KANTR: variants seen among roughly 807,000 people sequenced by gnomAD.
The protein encoded by KANTR is KANTR integral membrane protein.
At chrX:53,129,235 T>TTGTGTGTGTGTGTGTGTGTGTGTG (rs57493383), downstream of KANTR, among the ~76,000 whole-genome samples, 5 of 83,373 alleles carry the variant, frequency 6.0e-5, no homozygotes, top group African/African-American at 1.3e-4. Flanking sequence ...GCCTGGCTAT[T>TTGTGTGTGTGTGTGTGTGTGTGTG]TGTGTGTGTG....
Position 53,142,517 on chromosome X carries a change from T to C in KANTR, n.873T>C, listed in dbSNP as rs781794584. On this transcript the variant is annotated non_coding_transcript_exon_variant, in exon 3 of 3. Coordinates refer to the KANTR transcript ENST00000366185. ...TTTTAGTAGAGACGGGGTTTCAGCATGTTGGCCAGGCCGGTCTCAAACTCC... is the reference window on the plus strand; with the variant it reads ...TTTTAGTAGAGACGGGGTTTCAGCACGTTGGCCAGGCCGGTCTCAAACTCC... 9.7e-4 allele frequency: 216 copies of C among 223,063 alleles called. 2 individuals carry two copies. Among genetic ancestry groups the C allele is most frequent in the Middle Eastern group, 6.4e-3 (4 of 621 alleles). 18.4% of individuals were successfully genotyped at this position (223,063 alleles called of 1,213,427 possible).
At position 53,115,192 on chromosome X, in the gene KANTR, A is replaced by G. The variant is rs1398029937; in HGVS notation, c.-804-8277A>G. Among the ~76,000 whole-genome samples, 4 of 110,918 alleles carry G rather than the reference A, an allele frequency of 3.6e-5. No individual in the cohort carries two copies. In the East Asian group the frequency reaches 1.2e-3, roughly 33 times the overall value. ...GCAGGCCTGCGGCCTAGGGCTGTGT[A>G]GGTCAACCTGGTTCTGGGCTGGGCT... On this transcript the variant is annotated intron_variant, in intron 2 of 2. Coordinates refer to ENST00000604062, the Ensembl canonical transcript of KANTR.
chrX:53,135,509 A>G (rs1216274399), intron 2 of KANTR, among the ~76,000 whole-genome samples: 4 of 112,080 alleles, frequency 3.6e-5, no homozygotes, highest in African/African-American at 1.3e-4. Context: ...TGTGGGCTGC[A>G]GTTTTAGTTG....
At chrX:53,143,274 C>G (rs1221541087), downstream of KANTR, 5 of 597,408 alleles carry the variant, frequency 8.4e-6, no homozygotes, top group African/African-American at 2.2e-5. Flanking sequence ...GGCGATGTAG[C>G]ACACCTTCTC....
At chrX:53,116,402 C>T (rs1933124530) in intron 2 of KANTR, among the ~76,000 whole-genome samples, 1 of 112,227 alleles carries the variant, frequency 8.9e-6, no homozygotes, top group African/African-American at 3.2e-5. Context: ...CAGCTCTTTC[C>T]TTGGCGTGCA....
chrX:53,095,007 A>G (rs1158095253), intron 1 of KANTR: 3 of 111,756 alleles, frequency 2.7e-5, no homozygotes, highest in African/African-American at 9.8e-5. Flanking sequence ...TGCATAGTTT[A>G]TAGCAATAAG....
chrX:53,138,389 G>A (rs1556817947), intron 2 of KANTR, among the ~76,000 whole-genome samples: 1 of 108,551 alleles, frequency 9.2e-6, no homozygotes, highest in Non-Finnish European at 1.9e-5. Context: ...TAGGCTGGGC[G>A]CTGTGGTTCA....
chrX:53,113,325 AC>A (rs372497626), intron 2 of KANTR: 5 of 35,894 alleles, frequency 1.4e-4, no homozygotes, highest in South Asian at 2.1e-3. Flanking sequence ...AAACACACAC[AC>A]AAAAAAAAAC....
chrX:53,118,185 G>T (rs1472445386), intron 2 of KANTR, among the ~76,000 whole-genome samples: 1 of 111,705 alleles, frequency 9.0e-6, no homozygotes, highest in Non-Finnish European at 1.9e-5. Flanking sequence ...GAATGTGATT[G>T]TTGATTAATA....
intron 2 of KANTR, among the ~76,000 whole-genome samples, chrX:53,112,060 G>C (rs1280135418): frequency 9.1e-6 from 1 of 110,310 alleles, no homozygotes; most frequent in Non-Finnish European, 1.9e-5. Flanking sequence ...CTGAGATTTT[G>C]GTGTACCCAT....
chrX:53,095,093 G>A (rs972061390), intron 1 of KANTR, among the ~76,000 whole-genome samples: 2 of 112,376 alleles, frequency 1.8e-5, no homozygotes, highest in East Asian at 5.6e-4. Context: ...CTGGCTTTGG[G>A]TTGCTTCTGG....
chrX:53,128,290 C>T (rs1018681323), downstream of KANTR, among the ~76,000 whole-genome samples: 7 of 111,365 alleles, frequency 6.3e-5, no homozygotes, highest in South Asian at 7.7e-4. Flanking sequence ...CAGAGATGAA[C>T]GAGGTGTGTT....
At chrX:53,096,152 C>G (rs1388316534) in intron 1 of KANTR, among the ~76,000 whole-genome samples, 1 of 111,390 alleles carries the variant, frequency 9.0e-6, no homozygotes, top group African/African-American at 3.3e-5. Flanking sequence ...TCTGTCTGTT[C>G]CATGGTATTC....
intron 2 of KANTR, among the ~76,000 whole-genome samples, chrX:53,103,994 C>T (rs1333917471): frequency 1.8e-5 from 2 of 110,651 alleles, no homozygotes; most frequent in African/African-American, 6.6e-5. Flanking sequence ...TCCATCTTTT[C>T]GTTGCAACTT....
intron 2 of KANTR, among the ~76,000 whole-genome samples, chrX:53,118,349 A>G (rs1933166057): frequency 8.9e-6 from 1 of 111,991 alleles, no homozygotes. Context: ...TGAGTGTAAA[A>G]TGGTATTTCA....
At chrX:53,140,842 T>G (rs1933493122) in intron 2 of KANTR, among the ~76,000 whole-genome samples, 1 of 112,210 alleles carries the variant, frequency 8.9e-6, no homozygotes, top group Non-Finnish European at 1.9e-5. Flanking sequence ...ATCTCTAACA[T>G]TTGTAACTGT....
At chrX:53,136,731 T>TATA (rs1491428007) in intron 2 of KANTR, among the ~76,000 whole-genome samples, 10 of 50,035 alleles carry the variant, frequency 2.0e-4, no homozygotes, top group Non-Finnish European at 3.6e-4. Flanking sequence ...TATATATATA[T>TATA]TTTGTTTGTT....
intron 2 of KANTR, among the ~76,000 whole-genome samples, chrX:53,118,093 A>G (rs782778237): frequency 1.8e-5 from 2 of 111,870 alleles, no homozygotes; most frequent in Non-Finnish European, 3.8e-5. Context: ...TTTTGCTCTT[A>G]TGGACAGTGC....
chrX:53,094,336 C>A (rs1347621926), intron 1 of KANTR, 52 bp downstream of exon 1: 1 of 109,397 alleles, frequency 9.1e-6, no homozygotes, highest in African/African-American at 3.3e-5. Context: ...GGGAAGAGGC[C>A]GGCCGAAGCG....
Sources: allele counts gnomAD v4.1 joint callset (sites outside exome capture counted in the v4.1 genomes callset), GRCh38; gene constraint gnomAD v4.1.1; transcripts MANE v1.5; gene names NCBI Gene and HGNC (gene_info 2026-07-23, HGNC 2026-07-21).